Variants in GALNT14 observed in about 807,000 individuals in gnomAD.
The protein encoded by GALNT14 is UDP-GalNAc:polypeptide N-acetylgalactosaminyltransferase 14.
GALNT14 carries 60 observed loss-of-function variants against 77.5 expected under a neutral mutation model. That is an observed-to-expected ratio of 0.77 (90% CI 0.63 to 0.96). The LOEUF (loss-of-function observed/expected upper bound fraction) is 0.96. Among genes scored for constraint, GALNT14 ranks in the 40% least tolerant of loss-of-function variants. The probability of loss-of-function intolerance (pLI) is 0.00; values close to 1 mark genes in which losing one functional copy is unlikely to be tolerated. For missense variants in GALNT14, 710 were observed against 731.0 expected, an observed-to-expected ratio of 0.97 and a Z score of 0.33; for synonymous variants, 280 against 281.7, an observed-to-expected ratio of 0.99 and a Z score of 0.06.
At chr2:31,052,344 C>T (rs147829136) in intron 1 of GALNT14, among the ~76,000 whole-genome samples, 3 of 152,146 alleles carry the variant, frequency 2.0e-5, no homozygotes, top group Admixed American at 6.5e-5. Flanking sequence ...CATATGTGAC[C>T]CTTACAGCTG....
intron 1 of GALNT14, among the ~76,000 whole-genome samples, chr2:31,050,221 C>CCCT (rs1558526192): frequency 6.6e-6 from 1 of 152,082 alleles, no homozygotes; most frequent in Non-Finnish European, 1.5e-5. Flanking sequence ...GCATCAGCAA[C>CCCT]AGCCAGCTTG....
chr2:31,038,080 ATATATTTTTTTTTTTTTT>A (rs1352876386), intron 1 of GALNT14, among the ~76,000 whole-genome samples: 2 of 72,474 alleles, frequency 2.8e-5, no homozygotes, highest in Non-Finnish European at 4.9e-5. Flanking sequence ...ATATATATAT[ATATATTTTTTTTTTTTTT>A]TTTTTTTTTT....
rs753987782 is a variant in GALNT14, at chr2:30,942,202, A to T, written c.930T>A (p.Phe310Leu). Residue 310 changes from phenylalanine (F) to leucine (L), a missense_variant and splice_region_variant, in exon 9 of 15, where the codon TTT (phenylalanine) becomes TTA (leucine). Phe to Leu is a conservative substitution (Grantham distance 22, BLOSUM62 0). Transcript: ENST00000349752. ...MDMDIWGGEN[F>L]EISFRVWMCG... ...CAGGATGCAGAGGCAGGGACTCACC[A>T]AAGTTCTCCCCACCCCAGATGTCCA... 1 of 1,611,130 alleles carries T rather than the reference A, an allele frequency of 6.2e-7. No individual in the cohort carries two copies. Among genetic ancestry groups the T allele is most frequent in the East Asian group, 2.2e-5 (1 of 44,844 alleles).
In GALNT14 at chr2:31,103,789, G is replaced by T. The variant is rs564718770; in HGVS notation, c.129+34169C>A. Among the ~76,000 whole-genome samples, 7 of 152,102 alleles carry T rather than the reference G, an allele frequency of 4.6e-5. No individual in the cohort carries two copies. In the East Asian group the frequency reaches 1.4e-3, roughly 29 times the overall value. ...GCACAGAACACTTACATTCTCCTCT[G>T]TTCTTCTAATCCTCATACTTGTCTT... On this transcript the variant is annotated intron_variant, in intron 1 of 14. Coordinates refer to ENST00000349752, the MANE Select transcript of GALNT14 (RefSeq NM_024572.4).
the GALNT14 span, among the ~76,000 whole-genome samples, chr2:30,898,301 T>C: frequency 6.6e-6 from 1 of 152,172 alleles, no homozygotes; most frequent in South Asian, 2.1e-4. Flanking sequence ...GGGTATGACA[T>C]GTTATAGCAG....
At chr2:31,128,572 T>A (rs1262501503) in intron 1 of GALNT14, among the ~76,000 whole-genome samples, 1 of 152,220 alleles carries the variant, frequency 6.6e-6, no homozygotes, top group East Asian at 1.9e-4. Context: ...CCTGCTGATT[T>A]CTAACTTGGA....
At chr2:31,023,896 C>T (rs752881686) in intron 1 of GALNT14, among the ~76,000 whole-genome samples, 2 of 152,128 alleles carry the variant, frequency 1.3e-5, no homozygotes, top group Non-Finnish European at 2.9e-5. Flanking sequence ...GATTTAGACT[C>T]CGAGGTGACT....
At chr2:31,053,053 G>A (rs1382978822) in intron 1 of GALNT14, among the ~76,000 whole-genome samples, 3 of 152,120 alleles carry the variant, frequency 2.0e-5, no homozygotes, top group African/African-American at 7.2e-5. Flanking sequence ...TGCGGCAGAA[G>A]GGGTTTAACC....
rs186346661 is a variant in GALNT14, at chr2:31,050,344, G to T, written c.130-57337C>A. Among the ~76,000 whole-genome samples, 666 of 152,270 alleles carry T rather than the reference G, an allele frequency of 4.4e-3. 5 individuals carry two copies. Among genetic ancestry groups the T allele is most frequent in the African/African-American group, 0.015 (631 of 41,550 alleles). On this transcript the variant is annotated intron_variant, in intron 1 of 14. Transcript: ENST00000349752. The stretch of plus-strand genomic sequence containing the variant: ...GAGGCGGCTCCCTTCTTCCCAGCAC[G>T]TAAGAAGGTAGAGAGCCCTGGGTTA...
At chr2:30,999,906 T>A (rs1035993062) in intron 1 of GALNT14, among the ~76,000 whole-genome samples, 3 of 152,214 alleles carry the variant, frequency 2.0e-5, no homozygotes, top group African/African-American at 7.2e-5. Flanking sequence ...TCGTAAACAC[T>A]TCCAGTGTTT....
chr2:31,062,749 C>T (rs1241766520), intron 1 of GALNT14, among the ~76,000 whole-genome samples: 3 of 150,472 alleles, frequency 2.0e-5, no homozygotes, highest in African/African-American at 7.5e-5. Flanking sequence ...TTAATGATTG[C>T]CATTCTAACT....
At chr2:31,086,951 A>AT (rs1340695005) in intron 1 of GALNT14, among the ~76,000 whole-genome samples, 1 of 152,192 alleles carries the variant, frequency 6.6e-6, no homozygotes, top group South Asian at 2.1e-4. Context: ...AAGAGAACAA[A>AT]TTTTAAAGCA....
intron 1 of GALNT14, among the ~76,000 whole-genome samples, chr2:31,050,215 C>T (rs1165065703): frequency 6.6e-6 from 1 of 152,202 alleles, no homozygotes; most frequent in Non-Finnish European, 1.5e-5. Flanking sequence ...CCTGAAGCAT[C>T]AGCAACAGCC....
intron 3 of GALNT14, among the ~76,000 whole-genome samples, chr2:30,960,626 G>T (rs1454590187): frequency 6.6e-6 from 1 of 152,114 alleles, no homozygotes; most frequent in Non-Finnish European, 1.5e-5. Context: ...AGCTGGGAGG[G>T]CCTGAGGTGG....
At chr2:30,910,066 G>C (rs1298319549), downstream of GALNT14, among the ~76,000 whole-genome samples, 1 of 118,476 alleles carries the variant, frequency 8.4e-6, no homozygotes, top group Non-Finnish European at 1.7e-5. Flanking sequence ...GTTGAGGGGT[G>C]GGGGGAGGGG....
chr2:31,120,579 C>CAA (rs1187529229), intron 1 of GALNT14, among the ~76,000 whole-genome samples: 2 of 151,690 alleles, frequency 1.3e-5, no homozygotes, highest in East Asian at 3.9e-4. Context: ...TTTTTTTAGA[C>CAA]AGAGTCTCAC....
intron 1 of GALNT14, among the ~76,000 whole-genome samples, chr2:31,000,381 G>A (rs1014205706): frequency 1.3e-5 from 2 of 151,118 alleles, no homozygotes; most frequent in African/African-American, 4.9e-5. Context: ...TTTGTTTGCA[G>A]ATTCTTGTAT....
At chr2:30,988,967 T>C (rs1437967237) in intron 2 of GALNT14, among the ~76,000 whole-genome samples, 1 of 152,204 alleles carries the variant, frequency 6.6e-6, no homozygotes, top group Admixed American at 6.5e-5. Context: ...TGGTATGACC[T>C]GGGAGCTTGT....
At chr2:30,980,298 T>C (rs2148375347) in intron 2 of GALNT14, among the ~76,000 whole-genome samples, 1 of 152,332 alleles carries the variant, frequency 6.6e-6, no homozygotes, top group African/African-American at 2.4e-5. Flanking sequence ...CAGACCTGCT[T>C]TGGCCCACAG....
Sources: gnomAD v4.1 joint callset for allele counts (sites outside exome capture counted in the v4.1 genomes callset) on GRCh38, gnomAD v4.1.1 for gene constraint, MANE v1.5 for transcripts, NCBI Gene and HGNC (gene_info 2026-07-23, HGNC 2026-07-21) for gene names.